Variants in SRCAP observed in about 807,000 individuals in gnomAD.
SRCAP encodes Snf2 related CREBBP activator protein, also known as chromatin remodeling protein SRCAP.
A neutral mutation model predicts 263.1 loss-of-function variants in SRCAP; 46 were observed. That is an observed-to-expected ratio of 0.17 (90% CI 0.14 to 0.22). The LOEUF (loss-of-function observed/expected upper bound fraction) is 0.22. Among genes scored for constraint, SRCAP ranks in the 10% least tolerant of loss-of-function variants. SRCAP has a pLI of 1.00. For missense variants in SRCAP, 3,695 were observed against 4,181.9 expected (o/e 0.88, Z 3.21); for synonymous variants, 1,813 against 1,662.1 (o/e 1.09, Z -2.21).
chr16:30,709,751 G>C lies in SRCAP; in HGVS notation c.856+16G>C. ...GATGATGAAGGTGTGTGTTCTCTTT[G>C]GTCCTGTTACTCTTCCTCATGTACC... On this transcript the variant is annotated intron_variant, in intron 7 of 33. Transcript: ENST00000262518. 6.2e-7 allele frequency: 1 copy of C among 1,614,002 alleles called. No homozygotes were observed. The highest frequency in any genetic ancestry group is 2.2e-5 in the East Asian group (1 of 44,884).
chr16:30,723,399 A>G (rs576229365), intron 24 of SRCAP, among the ~76,000 whole-genome samples, 170 bp downstream of exon 24: 2 of 152,208 alleles, frequency 1.3e-5, no homozygotes, highest in South Asian at 2.1e-4. Context: ...TTCAAGATCT[A>G]TTTGCTGGAA....
chr16:30,735,209 G>T (rs886979503), intron 31 of SRCAP, among the ~76,000 whole-genome samples: 1 of 138,182 alleles, frequency 7.2e-6, no homozygotes, highest in African/African-American at 2.9e-5. Flanking sequence ...TGCAGTGGCG[G>T]GATCTCGGCT....
intron 14 of SRCAP, 88 bp downstream of exon 14, chr16:30,712,903 T>C (rs1378087796): frequency 3.4e-6 from 5 of 1,483,012 alleles, no homozygotes; most frequent in African/African-American, 1.4e-5. Flanking sequence ...TTCTCTCCTC[T>C]TTCTTTTTTA....
Position 30,713,563 on chromosome 16 carries a change from T to G in SRCAP, c.2345T>G (p.Leu782Arg). The stretch of plus-strand genomic sequence containing the variant: ...ACAGGAACTCCCTTGCAGAACAGCC[T>G]CATGGAGCTGTGGTCCTTGATGCAC... ...LLTGTPLQNS[L>R]MELWSLMHFL... Residue 782 changes from leucine to arginine, a missense_variant, in exon 16 of 34, where the codon CTC becomes CGC. By Grantham distance (102) the Leu-to-Arg change is moderately radical (BLOSUM62 -2). Coordinates refer to ENST00000262518, the MANE Select transcript of SRCAP (RefSeq NM_006662.3). The G allele has an allele frequency of 6.2e-7, 1 of 1,614,198 alleles. No individual in the cohort carries two copies. The highest frequency in any genetic ancestry group is 8.5e-7 in the Non-Finnish European group (1 of 1,180,024).
chr16:30,713,561 C>T lies in SRCAP; in HGVS notation c.2343C>T (p.Ser781=). ...TGACAGGAACTCCCTTGCAGAACAG[C>T]CTCATGGAGCTGTGGTCCTTGATGC... ...LLLTGTPLQN[S]LMELWSLMHF... is the part of the protein sequence containing the mutation. The change falls in exon 16 of 34, where the codon AGC becomes AGT. Residue 781 remains serine, a synonymous_variant. Coordinates refer to ENST00000262518, the MANE Select transcript of SRCAP (RefSeq NM_006662.3). The T allele has an allele frequency of 1.9e-6, 3 of 1,614,224 alleles. No individual in the cohort carries two copies. The highest frequency in any genetic ancestry group is 2.5e-6 in the Non-Finnish European group (3 of 1,180,030).
intron 25 of SRCAP, chr16:30,725,613 A>G (rs1050208036): frequency 6.5e-6 from 1 of 152,940 alleles, no homozygotes; most frequent in Non-Finnish European, 1.5e-5. Flanking sequence ...CATTGACTCC[A>G]CCTTTGGTTT....
intron 27 of SRCAP, among the ~76,000 whole-genome samples, chr16:30,730,380 G>C (rs1472153785): frequency 6.8e-6 from 1 of 147,590 alleles, no homozygotes; most frequent in Non-Finnish European, 1.5e-5. Context: ...GTGGTGTGTA[G>C]CTGTTTCAGT....
Position 30,712,094 on chromosome 16 carries a change from T to A in SRCAP, c.1752T>A (p.Ile584=), listed in dbSNP as rs766917767. The part of the protein sequence containing the change: ...GPTTLGPKKE[I]TDIAAAAESL... ...CTACTCTAGGTCCAAAGAAAGAAAT[T>A]ACTGACATTGCTGCAGCAGCTGAAA... The change falls in exon 12 of 34, where the codon ATT becomes ATA. Residue 584 remains isoleucine (I), a synonymous_variant. Coordinates refer to ENST00000262518, the MANE Select transcript of SRCAP (RefSeq NM_006662.3). The A allele has an allele frequency of 3.1e-6, 5 of 1,613,962 alleles. No homozygotes were observed. The East Asian group carries it at 8.9e-5, about 29-fold the overall frequency.
At position 30,712,857 on chromosome 16, in the gene SRCAP, C is replaced by T. The variant is rs1277986916; in HGVS notation, c.2130+42C>T. ...GGTCACTTTCCTCCCATTGATGCCTCCTTTATTTTTAAGCCCTTTCCTCAG... is the reference window on the plus strand; with the variant it reads ...GGTCACTTTCCTCCCATTGATGCCTTCTTTATTTTTAAGCCCTTTCCTCAG... On this transcript the variant is annotated intron_variant, in intron 14 of 33. Coordinates refer to ENST00000262518, the MANE Select transcript of SRCAP (RefSeq NM_006662.3). The T allele has an allele frequency of 2.5e-6, 4 of 1,603,042 alleles. No individual in the cohort carries two copies. The African/African-American group carries it at 4.0e-5, about 16-fold the overall frequency.
Position 30,704,199 on chromosome 16 carries a change from C to T in SRCAP, c.190C>T (p.Pro64Ser), listed in dbSNP as rs777975632. The T allele has an allele frequency of 3.7e-6, 6 of 1,614,198 alleles. No homozygotes were observed. Among genetic ancestry groups the T allele is most frequent in the Non-Finnish European group, 5.1e-6 (6 of 1,180,042 alleles). ...DSSLDGPPGP[P>S]DGATVPLEGF... ...CTCACTGGATGGACCTCCAGGCCCC[C>T]CAGATGGTGCCACAGTGCCCCTGGA... Residue 64 changes from proline (P) to serine (S), a missense_variant, in exon 4 of 34, where the codon CCA becomes TCA. By Grantham distance (74) the Pro-to-Ser change is moderately conservative. Coordinates refer to ENST00000262518, the MANE Select transcript of SRCAP (RefSeq NM_006662.3).
At chr16:30,701,057 ATAT>A (rs747013112) in intron 3 of SRCAP, among the ~76,000 whole-genome samples, 179 bp downstream of exon 3, 1 of 152,212 alleles carries the variant, frequency 6.6e-6, no homozygotes, top group African/African-American at 2.4e-5. Flanking sequence ...CATTAGTGTA[ATAT>A]TATCTCCAAG....
chr16:30,736,086 T>C, intron 31 of SRCAP, 114 bp from the exon 32 acceptor site: 2 of 1,285,814 alleles, frequency 1.6e-6, no homozygotes, highest in Non-Finnish European at 1.1e-6. Flanking sequence ...TGTTGAGTTC[T>C]GTTGCAAACC....
chr16:30,712,464 T>C (rs745673928), intron 13 of SRCAP, 25 bp downstream of exon 13: 4 of 1,548,830 alleles, frequency 2.6e-6, no homozygotes, highest in African/African-American at 1.4e-5. Context: ...CCCCTTCTTT[T>C]GTTCCCCCTA....
chr16:30,713,462 C>A, intron 15 of SRCAP, 57 bp from the exon 16 acceptor site: 1 of 1,610,814 alleles, frequency 6.2e-7, no homozygotes, highest in South Asian at 1.1e-5. Flanking sequence ...TCAGAATGCT[C>A]AGAAGGTTGG....
chr16:30,721,455 G>T lies in SRCAP; in HGVS notation c.3520G>T (p.Asp1174Tyr). ...ACCACAGCGCCTCATTCTATCTCCCGATATGCAGGCTCGCCTGCCCTGTAA... is the reference window on the plus strand; with the variant it reads ...ACCACAGCGCCTCATTCTATCTCCCTATATGCAGGCTCGCCTGCCCTGTAA... ...PAPQRLILSP[D>Y]MQARLPSGEV... Residue 1174 changes from aspartate to tyrosine, a missense_variant, in exon 21 of 34, where the codon GAT becomes TAT. Asp to Tyr is a radical substitution (Grantham distance 160). This residue lies in a region of SRCAP where 1,347 missense variants were observed against 1,304.4 expected (regional missense o/e 1.03). Transcript: ENST00000262518. 8.7e-6 allele frequency: 14 copies of T among 1,611,258 alleles called. No homozygotes were observed. Among genetic ancestry groups the T allele is most frequent in the Non-Finnish European group, 1.1e-5 (13 of 1,180,014 alleles).
Position 30,724,253 on chromosome 16 carries a change from C to A in SRCAP, c.4829C>A (p.Pro1610Gln), listed in dbSNP as rs748074399. ...PSPAPPLAPL[P>Q]VLAPSPGAAP... ...CCAGCTCCTCCTCTGGCTCCTCTTC[C>A]GGTCCTGGCACCATCGCCAGGTGCT... The change falls in exon 25 of 34, where the codon CCG (proline) becomes CAG (glutamine). Residue 1610 changes from proline to glutamine, a missense_variant. Coordinates refer to ENST00000262518, the MANE Select transcript of SRCAP (RefSeq NM_006662.3). The A allele has an allele frequency of 1.2e-6, 2 of 1,614,022 alleles. No individual in the cohort carries two copies. Among genetic ancestry groups the A allele is most frequent in the Admixed American group, 3.3e-5 (2 of 60,000 alleles).
Position 30,712,150 on chromosome 16 carries a change from C to T in SRCAP, c.1808C>T (p.Thr603Met), listed in dbSNP as rs1555463857. Residue 603 changes from threonine (T) to methionine (M), a missense_variant, in exon 12 of 34, where the codon ACG becomes ATG. Thr to Met is a moderately conservative substitution (Grantham distance 81, BLOSUM62 -1). Around this residue, in one of 12 missense-constraint regions of SRCAP, gnomAD observed 121 missense variants for 330.7 expected, o/e 0.37. Coordinates refer to ENST00000262518, the MANE Select transcript of SRCAP (RefSeq NM_006662.3). The stretch of plus-strand genomic sequence containing the variant: ...CAGCCCAAGGGTTACACGCTGGCCA[C>T]GACCCAGGTATCCCCAGGTTCTGGC... ...SLQPKGYTLA[T>M]TQVKTPIPLL... The T allele has an allele frequency of 3.1e-6, 5 of 1,612,672 alleles. No homozygotes were observed. The highest frequency in any genetic ancestry group is 3.4e-6 in the Non-Finnish European group (4 of 1,178,810).
At chr16:30,717,073 C>T (rs1217288663) in intron 18 of SRCAP, among the ~76,000 whole-genome samples, 2 of 152,194 alleles carry the variant, frequency 1.3e-5, no homozygotes, top group African/African-American at 4.8e-5. Flanking sequence ...CCTAGCAGGG[C>T]ACAAGTGTTC....
At chr16:30,723,324 A>C in intron 24 of SRCAP, 95 bp downstream of exon 24, 1 of 1,491,486 alleles carries the variant, frequency 6.7e-7, no homozygotes, top group South Asian at 1.4e-5. Flanking sequence ...AGGTTTTTTC[A>C]TATCAGCGTA....
Sources: allele counts gnomAD v4.1 joint callset (sites outside exome capture counted in the v4.1 genomes callset), GRCh38; gene constraint gnomAD v4.1.1; regional missense constraint gnomAD v4.1.1; transcripts MANE v1.5; gene names NCBI Gene and HGNC (gene_info 2026-07-23, HGNC 2026-07-21).